The following RCAN3 variants were observed in gnomAD, a reference collection of about 807,000 sequenced individuals.
The protein encoded by RCAN3 is calcipressin-3.
A neutral mutation model predicts 21.9 loss-of-function variants in RCAN3; 19 were observed. The observed-to-expected ratio is 0.87, with a 90% CI of 0.61 to 1.27. RCAN3 has a LOEUF of 1.27. RCAN3 is among the 50% of genes most tolerant of loss of function. The probability of loss-of-function intolerance (pLI) is 0.00; values close to 1 mark genes in which losing one functional copy is unlikely to be tolerated. For synonymous variants in RCAN3, 114 were observed against 112.3 expected (o/e 1.01, Z -0.09); for missense variants, 240 against 300.1 (o/e 0.80, Z 1.48).
rs906026471 is a variant in RCAN3 at position 24,536,358 on chromosome 1, A to T, written c.*1081A>T. Reference sequence around the variant, plus strand: ...TTAGGGAATGAGGGGGAGATCATTCAGTTTTACTTTTCTTTTTGTTGAAAT... The same window carrying T: ...TTAGGGAATGAGGGGGAGATCATTCTGTTTTACTTTTCTTTTTGTTGAAAT... On this transcript the variant is annotated 3_prime_UTR_variant, in exon 5 of 5. Coordinates refer to ENST00000374395, the MANE Select transcript of RCAN3 (RefSeq NM_013441.4). 6.6e-6 allele frequency: 1 copy of T among 152,190 alleles called. No individual in the cohort carries two copies. The highest frequency in any genetic ancestry group is 2.4e-5 in the African/African-American group (1 of 41,448). The allele number at this position is 152,190 out of a possible 1,614,324, so 9.4% of individuals were successfully genotyped here.
Position 24,537,159 on chromosome 1 carries a change from T to G in RCAN3, c.*1882T>G, listed in dbSNP as rs1203795731. On this transcript the variant is annotated 3_prime_UTR_variant, in exon 5 of 5. Transcript: ENST00000374395. ...TTCTAAGTGATCAAAACCCATGAGA[T>G]TTTGTTATTTGGCTTGGCTTTCATT... 2 of 152,168 alleles carry G rather than the reference T, an allele frequency of 1.3e-5. No individual in the cohort carries two copies. The highest frequency in any genetic ancestry group is 2.9e-5 in the Non-Finnish European group (2 of 68,036). 9.4% of individuals were successfully genotyped at this position (152,168 alleles called of 1,614,324 possible). A position where few individuals can be genotyped will look rare whatever the true frequency, so the allele number is the denominator to read the frequency against.
intron 3 of RCAN3, 32 bp from the exon 4 acceptor site, chr1:24,533,051 C>G: frequency 3.0e-6 from 4 of 1,350,634 alleles, no homozygotes; most frequent in Non-Finnish European, 3.8e-6. Context: ...GCCCGGTTTG[C>G]AAACTGGCTT....
In RCAN3 at chr1:24,525,793, C is replaced by T. The variant is rs781742439; in HGVS notation, c.196-5425C>T. Among the ~76,000 whole-genome samples the T allele has an allele frequency of 1.1e-4, 16 of 152,144 alleles. No individual in the cohort carries two copies. Among genetic ancestry groups the T allele is most frequent in the Non-Finnish European group, 2.2e-4 (15 of 68,032 alleles). On this transcript the variant is annotated intron_variant, in intron 2 of 4. Transcript: ENST00000374395. This position sits in a 1 kb window ranked among gnomAD's most constrained non-coding sequence, Gnocchi z 4.1. ...CGTCTGCAATCTTCTAAATCCCTTT[C>T]GTGCTAATGCCGGGTTATCAGGGGC...
chr1:24,521,787 G>C (rs904826819), intron 2 of RCAN3, among the ~76,000 whole-genome samples: 6 of 152,278 alleles, frequency 3.9e-5, no homozygotes, highest in East Asian at 1.9e-4. Context: ...GGTGGAGGTT[G>C]CAGTGAGCTG....
At chr1:24,531,149 CTTCT>C in intron 2 of RCAN3, 65 bp from the exon 3 acceptor site, 1 of 1,101,680 alleles carries the variant, frequency 9.1e-7, no homozygotes, top group Non-Finnish European at 1.2e-6. Flanking sequence ...TAAATTTCCC[CTTCT>C]GTTAAAGGTT....
chr1:24,504,712 CGTTT>C, intron 1 of RCAN3, among the ~76,000 whole-genome samples: 1 of 152,240 alleles, frequency 6.6e-6, no homozygotes, highest in East Asian at 1.9e-4. Context: ...AGTTCAACAC[CGTTT>C]GTTACTTAGA....
At chr1:24,531,083 A>C in intron 2 of RCAN3, 135 bp from the exon 3 acceptor site, 1 of 582,836 alleles carries the variant, frequency 1.7e-6, no homozygotes, top group Non-Finnish European at 2.8e-6. Context: ...AGAAAAGTAT[A>C]CTTTTTTTGG....
In RCAN3 at chr1:24,540,987, C is replaced by T. The variant is rs1313277452; in HGVS notation, c.*5710C>T. 1 of 152,172 alleles carries T rather than the reference C, an allele frequency of 6.6e-6. No homozygotes were observed. The highest frequency in any genetic ancestry group is 2.4e-5 in the African/African-American group (1 of 41,430). 9.4% of individuals were successfully genotyped at this position (152,172 alleles called of 1,614,324 possible). The stretch of plus-strand genomic sequence containing the variant: ...TTGGAAGCTTCGTGATTACCTGTAA[C>T]AAGTTCTGTTTTTAAAACGAATACA... On this transcript the variant is annotated 3_prime_UTR_variant, in exon 5 of 5. Transcript: ENST00000374395.
rs1190870011 is a variant in RCAN3 at position 24,537,746 on chromosome 1, C to G, written c.*2469C>G. 2.0e-5 allele frequency: 3 copies of G among 152,016 alleles called. No homozygotes were observed. The highest frequency in any genetic ancestry group is 4.4e-5 in the Non-Finnish European group (3 of 68,004). 9.4% of individuals were successfully genotyped at this position (152,016 alleles called of 1,614,324 possible). ...AAATCCTGTCTCTACTTAAAAAATACAAAATTAGCCTGGCATGGTGGCACA... is the reference window on the plus strand; with the variant it reads ...AAATCCTGTCTCTACTTAAAAAATAGAAAATTAGCCTGGCATGGTGGCACA... On this transcript the variant is annotated 3_prime_UTR_variant, in exon 5 of 5. Transcript: ENST00000374395.
Position 24,533,160 on chromosome 1 carries a change from T to A in RCAN3, c.447T>A (p.Pro149=), listed in dbSNP as rs781611544. 1 of 1,605,744 alleles carries A rather than the reference T, an allele frequency of 6.2e-7. No individual in the cohort carries two copies. The highest frequency in any genetic ancestry group is 8.5e-7 in the Non-Finnish European group (1 of 1,177,350). Residue 149 remains proline, a synonymous_variant, in exon 4 of 5, where the codon CCT becomes CCA. Coordinates refer to ENST00000374395, the MANE Select transcript of RCAN3 (RefSeq NM_013441.4). ...PQPVKQFLIS[P]PASPPVGWKQ... is the part of the protein sequence containing the mutation. Reference sequence around the variant, plus strand: ...CTGTCAAGCAGTTCCTCATCTCCCCTCCAGCCTCTCCCCCGGTGGGGTGGA... The same window carrying A: ...CTGTCAAGCAGTTCCTCATCTCCCCACCAGCCTCTCCCCCGGTGGGGTGGA...
intron 2 of RCAN3, among the ~76,000 whole-genome samples, chr1:24,529,373 C>T (rs909376110): frequency 1.3e-5 from 2 of 150,388 alleles, no homozygotes; most frequent in East Asian, 2.0e-4. Flanking sequence ...CGCAACATAG[C>T]GAGACTTCAT....
In RCAN3 at chr1:24,537,084, A is replaced by G. The variant is rs1309130636; in HGVS notation, c.*1807A>G. The stretch of plus-strand genomic sequence containing the variant: ...TGCCAGGAGACATGTATTATCAACA[A>G]TTGGGAATTTTTTGAATTTCCTTTT... On this transcript the variant is annotated 3_prime_UTR_variant, in exon 5 of 5. Transcript: ENST00000374395. The G allele has an allele frequency of 6.6e-6, 1 of 152,180 alleles. No homozygotes were observed. Among genetic ancestry groups the G allele is most frequent in the African/African-American group, 2.4e-5 (1 of 41,442 alleles). The allele number at this position is 152,180 out of a possible 1,614,324, so 9.4% of individuals were successfully genotyped here. A position where few individuals can be genotyped will look rare whatever the true frequency, so the allele number is the denominator to read the frequency against.
intron 2 of RCAN3, among the ~76,000 whole-genome samples, chr1:24,527,488 C>A (rs1218356339): frequency 6.6e-6 from 1 of 151,824 alleles, no homozygotes; most frequent in East Asian, 1.9e-4. Context: ...ATGATGTTTC[C>A]TCAATAATGA....
At chr1:24,514,863 C>T (rs928180199) in intron 2 of RCAN3, among the ~76,000 whole-genome samples, 2 of 151,404 alleles carry the variant, frequency 1.3e-5, no homozygotes, top group Non-Finnish European at 2.9e-5. Context: ...CAGCTACTCG[C>T]AGGGCTGAGG....
intron 1 of RCAN3, among the ~76,000 whole-genome samples, chr1:24,511,513 C>T (rs1647887177): frequency 1.3e-5 from 2 of 152,100 alleles, no homozygotes; most frequent in Non-Finnish European, 2.9e-5. Flanking sequence ...ATTAGGCACA[C>T]CCACAACACG....
chr1:24,529,953 A>T (rs1213680998), intron 2 of RCAN3, among the ~76,000 whole-genome samples: 2 of 150,622 alleles, frequency 1.3e-5, no homozygotes, highest in African/African-American at 2.5e-5. Flanking sequence ...CTGAGGCAGG[A>T]GGATCACTTG....
chr1:24,510,657 G>A (rs929243931), intron 1 of RCAN3, among the ~76,000 whole-genome samples: 2 of 152,168 alleles, frequency 1.3e-5, no homozygotes, highest in African/African-American at 4.8e-5. Flanking sequence ...CAGACTTTTC[G>A]TATCAGCGAT....
chr1:24,517,502 A>AT (rs1395899874), intron 2 of RCAN3, among the ~76,000 whole-genome samples: 1 of 152,132 alleles, frequency 6.6e-6, no homozygotes, highest in East Asian at 1.9e-4. Flanking sequence ...GTTGGGTTTC[A>AT]TTTTTTAAAC....
intron 2 of RCAN3, among the ~76,000 whole-genome samples, chr1:24,530,805 G>A (rs1044310307): frequency 6.6e-6 from 1 of 152,198 alleles, no homozygotes; most frequent in Non-Finnish European, 1.5e-5. Flanking sequence ...GAGGTCAGGA[G>A]TTCAAGACCA....
Sources: allele counts gnomAD v4.1 joint callset (sites outside exome capture counted in the v4.1 genomes callset), GRCh38; gene constraint gnomAD v4.1.1; non-coding constraint Gnocchi (gnomAD v3.1); transcripts MANE v1.5; gene names NCBI Gene and HGNC (gene_info 2026-07-23, HGNC 2026-07-21).